DMD: variants seen among roughly 807,000 people sequenced by gnomAD.
DMD encodes the protein mutant dystrophin.
In DMD, 63 loss-of-function variants were observed where a neutral mutation model predicts 330.1. The ratio of observed to expected loss-of-function variants is 0.19; its 90% CI spans 0.16 to 0.24. The LOEUF is 0.24. Among genes scored for constraint, DMD ranks in the 10% least tolerant of loss-of-function variants. The pLI, the probability that DMD is intolerant of heterozygous loss-of-function variation, is 1.00. For synonymous variants in DMD, 1,223 were observed against 959.8 expected, an observed-to-expected ratio of 1.27 and a Z score of -5.07; for missense variants, 3,344 against 2,684.1, an observed-to-expected ratio of 1.25 and a Z score of -5.43.
intron 73 of DMD, among the ~76,000 whole-genome samples, chrX:31,171,310 C>G (rs1022937903): frequency 1.8e-5 from 2 of 111,497 alleles, no homozygotes; most frequent in Non-Finnish European, 3.8e-5. Flanking sequence ...ATTCTCATGT[C>G]TTCAATAACT....
chrX:32,801,744 A>G (rs1189308243), intron 7 of DMD, among the ~76,000 whole-genome samples: 1 of 111,464 alleles, frequency 9.0e-6, no homozygotes, highest in Non-Finnish European at 1.9e-5. Context: ...CAGTTTTCCC[A>G]TCATCATTTA....
rs757073677 is a variant in DMD at position 31,664,825 on chromosome X, G to A, written c.7873-6681C>T. ...CACCCTTCCACCTACATACAACTGC[G>A]TAAATGATCTTTTTGTAATGCAAAT... On this transcript the variant is annotated intron_variant, in intron 53 of 78. Transcript: ENST00000357033. Among the ~76,000 whole-genome samples, 4 of 109,252 alleles carry A rather than the reference G, an allele frequency of 3.7e-5. No homozygotes were observed. The East Asian group carries it at 8.6e-4, about 23-fold the overall frequency. 94.9% of individuals were successfully genotyped at this position (109,252 alleles called of 115,157 possible). A position where few individuals can be genotyped will look rare whatever the true frequency, so the allele number is the denominator to read the frequency against.
intron 4 of DMD, among the ~76,000 whole-genome samples, chrX:32,835,608 G>A (rs757326172): frequency 1.3e-4 from 15 of 112,036 alleles, no homozygotes; most frequent in Admixed American, 4.7e-4. Flanking sequence ...GAACACAGAC[G>A]TAGTGTCTGA....
intron 37 of DMD, 110 bp from the exon 38 acceptor site, chrX:32,348,638 T>G: frequency 3.0e-6 from 2 of 656,971 alleles, no homozygotes; most frequent in Non-Finnish European, 4.5e-6. Flanking sequence ...TCACATGCAT[T>G]ATGTTTCCAT....
rs190252360 is a variant in DMD, at chrX:33,067,245, G to A, written c.32-47045C>T. 1.4e-3 allele frequency among the ~76,000 whole-genome samples: 155 copies of A among 112,197 alleles called. 1 individual carries two copies. The highest frequency in any genetic ancestry group is 5.0e-3 in the African/African-American group (154 of 30,918). ...CAATGAAGATGGAAATAGGGTTGTTGAAAATTCTGTATTTAATGAGTGAAC... is the reference window on the plus strand; with the variant it reads ...CAATGAAGATGGAAATAGGGTTGTTAAAAATTCTGTATTTAATGAGTGAAC... On this transcript the variant is annotated intron_variant, in intron 1 of 78. Coordinates refer to ENST00000357033, the MANE Select transcript of DMD (RefSeq NM_004006.3).
At chrX:31,167,645 G>T (rs965740940) in intron 74 of DMD, among the ~76,000 whole-genome samples, 2 of 112,048 alleles carry the variant, frequency 1.8e-5, no homozygotes, top group South Asian at 3.7e-4. Context: ...TCTCAATAAA[G>T]TAGAAATGTT....
chrX:32,742,777 T>C (rs2069465403), intron 7 of DMD, among the ~76,000 whole-genome samples: 1 of 112,334 alleles, frequency 8.9e-6, no homozygotes, highest in Non-Finnish European at 1.9e-5. Context: ...ATGTGTGATA[T>C]TTGACAAGTA....
chrX:32,024,474 G>A (rs1288451491), intron 44 of DMD, among the ~76,000 whole-genome samples: 4 of 66,154 alleles, frequency 6.0e-5, no homozygotes, highest in African/African-American at 2.7e-4. Context: ...GCGAAAGAGC[G>A]AAACTCCCTC....
intron 44 of DMD, among the ~76,000 whole-genome samples, chrX:32,132,993 C>CTTTTCTTTTTTTTTTTTTTTTTTTTT (rs2096705124): frequency 6.6e-5 from 5 of 75,963 alleles, no homozygotes; most frequent in African/African-American, 3.4e-4. Flanking sequence ...CTTTTCTTTT[C>CTTTTCTTTTTTTTTTTTTTTTTTTTT]TTTTTTTTTT....
At chrX:33,092,698 A>C (rs930936734) in intron 1 of DMD, among the ~76,000 whole-genome samples, 1 of 110,773 alleles carries the variant, frequency 9.0e-6, no homozygotes, top group Non-Finnish European at 1.9e-5. Flanking sequence ...ATAAAGAGCT[A>C]TTTGACAGAT....
At chrX:31,261,335 G>C (rs2050493363) in intron 62 of DMD, 1 of 258,218 alleles carries the variant, frequency 3.9e-6, no homozygotes, top group African/African-American at 2.8e-5. Context: ...TCGACTATCA[G>C]GACTTCTTCA....
intron 44 of DMD, among the ~76,000 whole-genome samples, chrX:32,037,738 G>C (rs1226351080): frequency 9.0e-6 from 1 of 111,257 alleles, no homozygotes; most frequent in Non-Finnish European, 1.9e-5. Context: ...TCAATTTCTA[G>C]TAAATTAGAA....
At chrX:31,749,348 G>C (rs1247834585) in intron 51 of DMD, among the ~76,000 whole-genome samples, 2 of 88,747 alleles carry the variant, frequency 2.3e-5, no homozygotes, top group African/African-American at 8.7e-5. Flanking sequence ...CTGTGTCCAT[G>C]TGTTCTCATT....
chrX:32,815,536 C>CAT (rs1180872402), intron 6 of DMD, among the ~76,000 whole-genome samples: 3 of 97,088 alleles, frequency 3.1e-5, no homozygotes, highest in Admixed American at 1.1e-4. Flanking sequence ...CACACACACA[C>CAT]ATATATATAC....
intron 44 of DMD, among the ~76,000 whole-genome samples, chrX:32,035,203 G>T (rs60793349): frequency 0.013 from 1,439 of 111,292 alleles, 23 homozygotes; most frequent in African/African-American, 0.041. Flanking sequence ...TTTTGCAAAA[G>T]ACGACAAAAG....
intron 74 of DMD, among the ~76,000 whole-genome samples, chrX:31,162,896 T>G (rs1448059271): frequency 8.9e-6 from 1 of 112,063 alleles, no homozygotes; most frequent in Non-Finnish European, 1.9e-5. Context: ...AGTTAGAAAC[T>G]GAGTCTGTGA....
rs34684682 is a variant in DMD, at chrX:31,269,116, C to A, written c.9225-8100G>T. ...TTGAAGACTTGTTCCCAAATCTTGA[C>A]GTCATATTATAATTAAATACTGAAA... On this transcript the variant is annotated intron_variant, in intron 62 of 78. Coordinates refer to ENST00000357033, the MANE Select transcript of DMD (RefSeq NM_004006.3). 5.4e-5 allele frequency among the ~76,000 whole-genome samples: 6 copies of A among 111,462 alleles called. No homozygotes were observed. The South Asian group carries it at 2.3e-3, about 42-fold the overall frequency.
chrX:32,593,687 A>G (rs997229156), intron 13 of DMD, among the ~76,000 whole-genome samples: 5 of 112,219 alleles, frequency 4.5e-5, no homozygotes, highest in Admixed American at 1.9e-4. Flanking sequence ...CATAACGAGT[A>G]CTTGTTGAAA....
At chrX:32,551,191 A>C (rs756265418) in intron 16 of DMD, among the ~76,000 whole-genome samples, 3 of 111,066 alleles carry the variant, frequency 2.7e-5, no homozygotes, top group African/African-American at 9.8e-5. Flanking sequence ...CAAAAAAGAA[A>C]ACTTCAGGCC....
Sources: allele counts gnomAD v4.1 joint callset (sites outside exome capture counted in the v4.1 genomes callset), GRCh38; gene constraint gnomAD v4.1.1; transcripts MANE v1.5; gene names NCBI Gene and HGNC (gene_info 2026-07-23, HGNC 2026-07-21).